Variants in STXBP5L observed in about 807,000 individuals in gnomAD.
STXBP5L encodes the protein syntaxin binding protein 5L.
A neutral mutation model predicts 144.5 loss-of-function variants in STXBP5L; 65 were observed. That is an observed-to-expected ratio of 0.45 (90% CI 0.37 to 0.55). The LOEUF (loss-of-function observed/expected upper bound fraction) is 0.55, where lower values mean the gene tolerates loss of function less well. STXBP5L is among the 20% of genes least tolerant of loss of function. The pLI is 0.00. For missense variants in STXBP5L, 1,298 were observed against 1,405.5 expected, an observed-to-expected ratio of 0.92 and a Z score of 1.22; for synonymous variants, 505 against 469.6, an observed-to-expected ratio of 1.08 and a Z score of -0.97.
At chr3:121,324,316 T>C (rs1337618729) in intron 20 of STXBP5L, among the ~76,000 whole-genome samples, 1 of 152,140 alleles carries the variant, frequency 6.6e-6, no homozygotes, top group East Asian at 1.9e-4. Context: ...AAAACCTTTC[T>C]TCTCCCTCCA....
At chr3:121,335,378 G>A (rs2044469698) in intron 20 of STXBP5L, among the ~76,000 whole-genome samples, 1 of 152,144 alleles carries the variant, frequency 6.6e-6, no homozygotes, top group East Asian at 1.9e-4. Flanking sequence ...TTGCCATATT[G>A]CCTGAAGCAA....
intron 9 of STXBP5L, among the ~76,000 whole-genome samples, chr3:121,190,536 G>A (rs549475647): frequency 6.6e-4 from 101 of 152,250 alleles, no homozygotes; most frequent in African/African-American, 2.2e-3. Flanking sequence ...AACCGCCATC[G>A]TCATCATGGC....
intron 2 of STXBP5L, chr3:120,924,522 G>GA (rs1322617203): frequency 1.3e-5 from 2 of 152,292 alleles, no homozygotes; most frequent in Non-Finnish European, 2.9e-5. Flanking sequence ...TGGTCTCAGA[G>GA]AAAAATGTCA....
At chr3:121,038,493 T>C (rs1017387113) in intron 3 of STXBP5L, among the ~76,000 whole-genome samples, 4 of 151,966 alleles carry the variant, frequency 2.6e-5, no homozygotes, top group Non-Finnish European at 4.4e-5. Flanking sequence ...TTAAATGCTT[T>C]GATACTTGTT....
At chr3:121,179,821 A>T (rs2047073237) in intron 9 of STXBP5L, among the ~76,000 whole-genome samples, 1 of 152,186 alleles carries the variant, frequency 6.6e-6, no homozygotes, top group African/African-American at 2.4e-5. Context: ...AGACTAGAAC[A>T]AGTAGAAGAA....
intron 2 of STXBP5L, among the ~76,000 whole-genome samples, chr3:120,927,784 T>C (rs752675097): frequency 1.1e-4 from 17 of 152,232 alleles, no homozygotes; most frequent in Non-Finnish European, 2.5e-4. Context: ...TTAGGTTTTC[T>C]GTATGGGCAG....
chr3:120,979,936 G>C (rs1487642967), intron 3 of STXBP5L, among the ~76,000 whole-genome samples: 1 of 151,940 alleles, frequency 6.6e-6, no homozygotes, highest in Non-Finnish European at 1.5e-5. Flanking sequence ...GTTTTCATTT[G>C]TTTCAAAAAA....
intron 5 of STXBP5L, among the ~76,000 whole-genome samples, chr3:121,064,712 C>T (rs2041458088): frequency 6.6e-6 from 1 of 152,036 alleles, no homozygotes; most frequent in African/African-American, 2.4e-5. Flanking sequence ...TAGGTTTTGT[C>T]TTAAATATTT....
At position 121,357,052 on chromosome 3, in the gene STXBP5L, C is replaced by A. The variant is rs115634622; in HGVS notation, c.2177-21664C>A. The A allele has an allele frequency of 2.0e-5, 4 of 195,252 alleles. No individual in the cohort carries two copies. The South Asian group carries it at 4.2e-4, about 21-fold the overall frequency. The allele number at this position is 195,252 out of a possible 1,614,324, so 12.1% of individuals were successfully genotyped here. ...TGTCATGCCTGGAACAGGGATCATA[C>A]CCAAATTGCCCTTGGCCTGAATAAT... On this transcript the variant is annotated intron_variant, in intron 20 of 26. Coordinates refer to ENST00000471454, the MANE Select transcript of STXBP5L (RefSeq NM_001308330.2).
At chr3:121,009,886 C>G (rs1360282981) in intron 3 of STXBP5L, among the ~76,000 whole-genome samples, 1 of 151,874 alleles carries the variant, frequency 6.6e-6, no homozygotes, top group African/African-American at 2.4e-5. Context: ...ACATCATGGC[C>G]TTGCTCAAGA....
intron 5 of STXBP5L, among the ~76,000 whole-genome samples, chr3:121,091,272 A>G (rs1326781450): frequency 6.8e-6 from 1 of 147,350 alleles, no homozygotes; most frequent in Non-Finnish European, 1.5e-5. Context: ...AGCATGATTT[A>G]TAGTCCTTTG....
chr3:121,036,772 ATTTTTTT>A (rs3863971), intron 3 of STXBP5L, among the ~76,000 whole-genome samples: 5 of 122,184 alleles, frequency 4.1e-5, no homozygotes, highest in African/African-American at 6.2e-5. Flanking sequence ...ACATTGATTG[ATTTTTTT>A]TTTTTTTTTT....
chr3:121,007,364 T>A (rs1347961230), intron 3 of STXBP5L, among the ~76,000 whole-genome samples: 1 of 152,022 alleles, frequency 6.6e-6, no homozygotes, highest in African/African-American at 2.4e-5. Context: ...TAGTTTTGGC[T>A]GGTGTAGTTA....
chr3:120,942,332 A>G (rs1387074517), intron 2 of STXBP5L, among the ~76,000 whole-genome samples: 1 of 151,632 alleles, frequency 6.6e-6, no homozygotes, highest in Non-Finnish European at 1.5e-5. Flanking sequence ...GAATTATAAC[A>G]ATGGTATTGT....
chr3:121,357,582 G>A (rs1355681827), intron 20 of STXBP5L: 2 of 152,246 alleles, frequency 1.3e-5, no homozygotes, highest in Non-Finnish European at 2.9e-5. Flanking sequence ...GGAGCTCTCT[G>A]GCCTGGATGA....
chr3:121,017,788 G>T (rs1470185310), intron 3 of STXBP5L, among the ~76,000 whole-genome samples: 1 of 129,674 alleles, frequency 7.7e-6, no homozygotes, highest in Non-Finnish European at 1.5e-5. Flanking sequence ...CTAAATAAAT[G>T]GGGGGGTGGT....
intron 5 of STXBP5L, among the ~76,000 whole-genome samples, 169 bp downstream of exon 5, chr3:121,045,704 G>A (rs1168281702): frequency 1.3e-5 from 2 of 152,194 alleles, no homozygotes; most frequent in South Asian, 2.1e-4. Context: ...ATGCGTAATT[G>A]ATATAGATCC....
rs1215936006 is a variant in STXBP5L, at chr3:121,324,670, T to C, written c.2176+6130T>C. 2.9e-5 allele frequency: 17 copies of C among 586,308 alleles called. No individual in the cohort carries two copies. The Admixed American group carries it at 5.2e-4, about 18-fold the overall frequency. The allele number at this position is 586,308 out of a possible 1,614,324, so 36.3% of individuals were successfully genotyped here. A position where few individuals can be genotyped will look rare whatever the true frequency, so the allele number is the denominator to read the frequency against. Reference sequence around the variant, plus strand: ...AGGCTTCACAACTTGTCTCAAAACTTTATTCTCATTTGTTGTGGTGGAAAC... The same window carrying C: ...AGGCTTCACAACTTGTCTCAAAACTCTATTCTCATTTGTTGTGGTGGAAAC... On this transcript the variant is annotated intron_variant, in intron 20 of 26. Transcript: ENST00000471454.
intron 19 of STXBP5L, among the ~76,000 whole-genome samples, chr3:121,298,965 C>A (rs970535939): frequency 2.0e-5 from 3 of 152,108 alleles, no homozygotes; most frequent in Non-Finnish European, 4.4e-5. Context: ...AGTTAAGTGT[C>A]TTTGGGGTTC....
Sources: gnomAD v4.1 joint callset for allele counts (sites outside exome capture counted in the v4.1 genomes callset) on GRCh38, gnomAD v4.1.1 for gene constraint, MANE v1.5 for transcripts, NCBI Gene and HGNC (gene_info 2026-07-23, HGNC 2026-07-21) for gene names.